The following CD36 variants were observed in gnomAD, a reference collection of about 807,000 sequenced individuals.
CD36 encodes platelet glycoprotein 4.
In CD36, 119 loss-of-function variants were observed where a neutral mutation model predicts 55.2. That is an observed-to-expected ratio of 2.15 (90% CI 1.86 to 2.51). The LOEUF (loss-of-function observed/expected upper bound fraction) is 2.51. Among genes scored for constraint, CD36 ranks in the 30% most tolerant of loss-of-function variants. The pLI is 0.00. For missense variants in CD36, 819 were observed against 555.5 expected (o/e 1.47, Z -4.77); for synonymous variants, 186 against 193.6 (o/e 0.96, Z 0.33).
At chr7:80,626,298 ATATT>A (rs1166262149) in intron 1 of CD36, 3 of 152,148 alleles carry the variant, frequency 2.0e-5, no homozygotes, top group African/African-American at 4.8e-5. Flanking sequence ...ATTGAGCTAA[ATATT>A]TATCAAATTT....
intron 7 of CD36, among the ~76,000 whole-genome samples, chr7:80,665,747 C>G (rs1446980994): frequency 2.0e-5 from 3 of 152,044 alleles, no homozygotes; most frequent in African/African-American, 7.2e-5. Context: ...TAAGCAATGG[C>G]TTGTCTTGAC....
At chr7:80,667,747 GTTTTTTTTT>G (rs1165767460) in intron 8 of CD36, among the ~76,000 whole-genome samples, 2 of 82,636 alleles carry the variant, frequency 2.4e-5, no homozygotes, top group African/African-American at 4.2e-5. Context: ...GTTTTCTTTT[GTTTTTTTTT>G]TTTTTTTTTT....
chr7:80,645,007 A>G (rs1263767911), intron 1 of CD36, among the ~76,000 whole-genome samples: 2 of 134,832 alleles, frequency 1.5e-5, no homozygotes, highest in African/African-American at 5.5e-5. Flanking sequence ...CACAAACTGT[A>G]TTCTTTCTTC....
chr7:80,667,908 A>T (rs1037862591), intron 8 of CD36, among the ~76,000 whole-genome samples: 1 of 151,498 alleles, frequency 6.6e-6, no homozygotes, highest in African/African-American at 2.4e-5. Flanking sequence ...GTGCCACCAC[A>T]CCCAGCTAAT....
At chr7:80,620,707 G>A (rs1714573895) in intron 1 of CD36, among the ~76,000 whole-genome samples, 1 of 152,146 alleles carries the variant, frequency 6.6e-6, no homozygotes, top group South Asian at 2.1e-4. Context: ...TTAGGGTCCT[G>A]CCTTGGGGCA....
At chr7:80,625,012 G>T (rs1175447023) in intron 1 of CD36, 1 of 152,048 alleles carries the variant, frequency 6.6e-6, no homozygotes, top group Non-Finnish European at 1.5e-5. Flanking sequence ...TGTTTGAGAG[G>T]TGACTTTGAA....
At chr7:80,602,555 T>C (rs1489296655) in intron 1 of CD36, among the ~76,000 whole-genome samples, 2 of 152,114 alleles carry the variant, frequency 1.3e-5, no homozygotes, top group Non-Finnish European at 2.9e-5. Flanking sequence ...AACCAAATGG[T>C]TAAAGAAATT....
chr7:80,654,437 TGAG>T (rs1554339116), intron 3 of CD36, among the ~76,000 whole-genome samples: 1 of 152,130 alleles, frequency 6.6e-6, no homozygotes, highest in Non-Finnish European at 1.5e-5. Flanking sequence ...TCTAATAGTG[TGAG>T]GAGAATAATG....
Position 80,627,412 on chromosome 7 carries a change from C to T in CD36, c.-183-18676C>T, listed in dbSNP as rs574235926. Among the ~76,000 whole-genome samples, 4 of 151,680 alleles carry T rather than the reference C, an allele frequency of 2.6e-5. No homozygotes were observed. The South Asian group carries it at 8.3e-4, about 32-fold the overall frequency. On this transcript the variant is annotated intron_variant, in intron 1 of 13. Transcript: ENST00000309881. ...AAAAGCCAATTCCCAGGGGTCCTTG[C>T]TTAAGCCTCCAATTAGTACACCATA...
In CD36 at chr7:80,672,177, T is replaced by G. The variant is rs1584466210; in HGVS notation, c.1125+137T>G. 4 of 710,046 alleles carry G rather than the reference T, an allele frequency of 5.6e-6. No individual in the cohort carries two copies. In the East Asian group the frequency reaches 1.1e-4, roughly 20 times the overall value. The allele number at this position is 710,046 out of a possible 1,614,324, so 44.0% of individuals were successfully genotyped here. On this transcript the variant is annotated intron_variant, in intron 11 of 14. Coordinates refer to ENST00000447544, the MANE Select transcript of CD36 (RefSeq NM_001001548.3). ...TCACATTCTTGAAAGTTACTGAAAC[T>G]TAGGTCGATTTCTTCCTATGGTTTA...
intron 8 of CD36, among the ~76,000 whole-genome samples, chr7:80,667,646 T>C (rs1797218694): frequency 7.6e-6 from 1 of 132,140 alleles, no homozygotes. Flanking sequence ...TGACTTCGTA[T>C]GCGTACTTGA....
chr7:80,640,951 A>T (rs1437114302), intron 1 of CD36, among the ~76,000 whole-genome samples: 1 of 152,010 alleles, frequency 6.6e-6, no homozygotes, highest in East Asian at 1.9e-4. Flanking sequence ...TTCTGATAGG[A>T]TAGAAATGGA....
At chr7:80,672,630 A>T (rs2116884479) in intron 11 of CD36, 140 bp from the exon 12 acceptor site, 1 of 649,694 alleles carries the variant, frequency 1.5e-6, no homozygotes, top group East Asian at 2.8e-5. Flanking sequence ...CTATAACTAT[A>T]TATGCAGTTT....
At chr7:80,619,428 C>T (rs1793334285) in intron 1 of CD36, among the ~76,000 whole-genome samples, 3 of 152,012 alleles carry the variant, frequency 2.0e-5, no homozygotes, top group Non-Finnish European at 4.4e-5. Flanking sequence ...TGGGTGGTCA[C>T]TTAAGGTCAG....
chr7:80,670,161 C>A, intron 9 of CD36, 139 bp downstream of exon 9: 2 of 668,594 alleles, frequency 3.0e-6, no homozygotes, highest in African/African-American at 1.8e-5. Context: ...CTGCATCTTC[C>A]AATTTTTAAT....
intron 3 of CD36, among the ~76,000 whole-genome samples, chr7:80,652,812 T>A (rs780082237): frequency 3.3e-5 from 5 of 152,200 alleles, no homozygotes; most frequent in Non-Finnish European, 7.4e-5. Flanking sequence ...AAAGGATGGA[T>A]AGAATTTGTA....
chr7:80,622,088 TA>T (rs1793502022), intron 1 of CD36, among the ~76,000 whole-genome samples: 1 of 152,222 alleles, frequency 6.6e-6, no homozygotes, highest in Non-Finnish European at 1.5e-5. Context: ...TCTGAGTCCG[TA>T]AAAGGCCCCA....
At chr7:80,625,981 C>T (rs1793717247) in intron 1 of CD36, among the ~76,000 whole-genome samples, 1 of 152,030 alleles carries the variant, frequency 6.6e-6, no homozygotes, top group African/African-American at 2.4e-5. Flanking sequence ...AGTATCAATA[C>T]AGGGGGGTAT....
At chr7:80,616,111 G>T (rs1266903957) in intron 1 of CD36, among the ~76,000 whole-genome samples, 1 of 151,834 alleles carries the variant, frequency 6.6e-6, no homozygotes, top group Non-Finnish European at 1.5e-5. Context: ...TTTTGTTAGG[G>T]TTATATCCCA....
Sources: gnomAD v4.1 joint callset for allele counts (sites outside exome capture counted in the v4.1 genomes callset) on GRCh38, gnomAD v4.1.1 for gene constraint, MANE v1.5 for transcripts, NCBI Gene and HGNC (gene_info 2026-07-23, HGNC 2026-07-21) for gene names.